The following AKR1B15 variants were observed in gnomAD, a reference collection of about 807,000 sequenced individuals.
The protein encoded by AKR1B15 is estradiol 17-beta-dehydrogenase AKR1B15.
A neutral mutation model predicts 38.5 loss-of-function variants in AKR1B15; 49 were observed. That is an observed-to-expected ratio of 1.27 (90% CI 1.01 to 1.62). The LOEUF (loss-of-function observed/expected upper bound fraction) is 1.62. Among genes scored for constraint, AKR1B15 ranks in the 40% most tolerant of loss-of-function variants. The probability of loss-of-function intolerance (pLI) is 0.00; values close to 1 mark genes in which losing one functional copy is unlikely to be tolerated. For missense variants in AKR1B15, 411 were observed against 381.6 expected, an observed-to-expected ratio of 1.08 and a Z score of -0.64; for synonymous variants, 137 against 135.5, an observed-to-expected ratio of 1.01 and a Z score of -0.08.
chr7:134,576,291 G>C, intron 8 of AKR1B15, 58 bp from the exon 9 acceptor site: 1 of 1,551,936 alleles, frequency 6.4e-7, no homozygotes, highest in Non-Finnish European at 8.9e-7. Context: ...TTGGAGTGGT[G>C]TCCTTCTGTA....
Position 134,577,741 on chromosome 7 carries a change from C to T in AKR1B15, c.947C>T (p.Thr316Ile). Reference protein sequence around the residue: ...DFKLSDEEMATILSFNRNWRA... With the variant: ...DFKLSDEEMAIILSFNRNWRA... ...AAATTGAGTGATGAGGAGATGGCAA[C>T]CATACTCAGCTTCAACAGAAACTGG... The change falls in exon 11 of 12, where the codon ACC (threonine) becomes ATC (isoleucine). Residue 316 changes from threonine (T) to isoleucine (I), a missense_variant. Coordinates refer to ENST00000457545, the MANE Select transcript of AKR1B15 (RefSeq NM_001080538.3). 1 of 1,613,944 alleles carries T rather than the reference C, an allele frequency of 6.2e-7. No individual in the cohort carries two copies.
At chr7:134,575,243 G>T (rs1286135227) in intron 6 of AKR1B15, among the ~76,000 whole-genome samples, 177 bp from the exon 7 acceptor site, 1 of 152,112 alleles carries the variant, frequency 6.6e-6, no homozygotes, top group Non-Finnish European at 1.5e-5. Flanking sequence ...GGGGCAGTAG[G>T]GCTGGAACCA....
chr7:134,569,355 G>A (rs1794615359), intron 4 of AKR1B15, 58 bp from the exon 5 acceptor site: 3 of 1,590,534 alleles, frequency 1.9e-6, no homozygotes, highest in African/African-American at 1.3e-5. Flanking sequence ...GGGACAATGA[G>A]TATAATGTGG....
At chr7:134,575,238 A>G (rs1280131206) in intron 6 of AKR1B15, among the ~76,000 whole-genome samples, 182 bp from the exon 7 acceptor site, 1 of 152,186 alleles carries the variant, frequency 6.6e-6, no homozygotes, top group Non-Finnish European at 1.5e-5. Context: ...GGGGAGGGGC[A>G]GTAGGGCTGG....
intron 11 of AKR1B15, among the ~76,000 whole-genome samples, chr7:134,578,903 C>T (rs1364996920): frequency 6.6e-6 from 1 of 152,208 alleles, no homozygotes; most frequent in African/African-American, 2.4e-5. Context: ...AAAACACTTA[C>T]TTTCCTATGA....
At chr7:134,573,287 TCC>T (rs1794701660) in intron 6 of AKR1B15, 2 of 845,440 alleles carry the variant, frequency 2.4e-6, no homozygotes, top group Non-Finnish European at 1.4e-6. Context: ...CGTCTCAGCC[TCC>T]CAAAGTGTTC....
chr7:134,553,644 A>G (rs1046232503), intron 1 of AKR1B15, among the ~76,000 whole-genome samples: 1 of 152,254 alleles, frequency 6.6e-6, no homozygotes, highest in Non-Finnish European at 1.5e-5. Context: ...GAATGCTCGC[A>G]TCTTGCGGTA....
chr7:134,575,822 T>G lies in AKR1B15; in HGVS notation c.638T>G (p.Val213Gly). The G allele has an allele frequency of 6.2e-7, 1 of 1,613,712 alleles. No individual in the cohort carries two copies. The highest frequency in any genetic ancestry group is 8.5e-7 in the Non-Finnish European group (1 of 1,179,780). Reference protein sequence around the residue: ...GLKYKPVTNQVECHPYLTQEK... With the variant: ...GLKYKPVTNQGECHPYLTQEK... ...GATGAGGATTGTTTGCTGTTGCAGG[T>G]TGAGTGTCACCCATACCTCACGCAG... The change falls in exon 8 of 12, where the codon GTT (valine) becomes GGT (glycine). Residue 213 changes from valine to glycine, a missense_variant and splice_region_variant. Physicochemically the swap from Val to Gly is moderately radical, Grantham distance 109 (BLOSUM62 -3). Coordinates refer to ENST00000457545, the MANE Select transcript of AKR1B15 (RefSeq NM_001080538.3).
Position 134,579,177 on chromosome 7 carries a change from T to C in AKR1B15, c.993-330T>C, listed in dbSNP as rs146758617. ...TTAATACTCATAACAATCCCCAAGCTGTCAATTCTGCTGTTGTTTCCTACC... is the reference window on the plus strand; with the variant it reads ...TTAATACTCATAACAATCCCCAAGCCGTCAATTCTGCTGTTGTTTCCTACC... On this transcript the variant is annotated intron_variant, in intron 11 of 11. Coordinates refer to ENST00000457545, the MANE Select transcript of AKR1B15 (RefSeq NM_001080538.3). Among the ~76,000 whole-genome samples, 3 of 152,332 alleles carry C rather than the reference T, an allele frequency of 2.0e-5. No individual in the cohort carries two copies. The East Asian group carries it at 5.8e-4, about 29-fold the overall frequency.
chr7:134,562,291 A>C (rs1794417838), intron 2 of AKR1B15, among the ~76,000 whole-genome samples: 1 of 152,192 alleles, frequency 6.6e-6, no homozygotes, highest in African/African-American at 2.4e-5. Flanking sequence ...GCGGAAGAAC[A>C]ATGCTTCCAC....
At chr7:134,553,797 C>T (rs1794085656) in intron 1 of AKR1B15, among the ~76,000 whole-genome samples, 1 of 152,196 alleles carries the variant, frequency 6.6e-6, no homozygotes, top group Non-Finnish European at 1.5e-5. Context: ...AACTGGCTGA[C>T]CTCATCTCCA....
intron 4 of AKR1B15, among the ~76,000 whole-genome samples, 175 bp from the exon 5 acceptor site, chr7:134,569,238 A>T (rs1431427266): frequency 6.6e-6 from 1 of 152,218 alleles, no homozygotes; most frequent in East Asian, 1.9e-4. Flanking sequence ...AAGACATGTC[A>T]TTGAGGTGCT....
chr7:134,559,641 G>T (rs1224067673), intron 2 of AKR1B15, among the ~76,000 whole-genome samples: 1 of 152,134 alleles, frequency 6.6e-6, no homozygotes, highest in Non-Finnish European at 1.5e-5. Context: ...TAATTTTTCT[G>T]TCAATTTTGT....
At chr7:134,571,044 G>A (rs111271166) in intron 5 of AKR1B15, among the ~76,000 whole-genome samples, 2,608 of 152,278 alleles carry the variant, frequency 0.017, 76 homozygotes, top group African/African-American at 0.06. Flanking sequence ...GTCCAAGTAT[G>A]GTGATGCTGG....
At chr7:134,551,363 A>G (rs954919437) in intron 1 of AKR1B15, among the ~76,000 whole-genome samples, 1 of 152,068 alleles carries the variant, frequency 6.6e-6, no homozygotes, top group African/African-American at 2.4e-5. Context: ...TCTGACCTGT[A>G]CAACTGGAAG....
intron 6 of AKR1B15, chr7:134,573,522 G>A: frequency 3.0e-6 from 3 of 985,378 alleles, no homozygotes; most frequent in South Asian, 4.7e-5. Flanking sequence ...GATTTGAAAC[G>A]AGCATGCTTG....
At chr7:134,577,375 C>T (rs1384934473) in intron 10 of AKR1B15, among the ~76,000 whole-genome samples, 3 of 152,276 alleles carry the variant, frequency 2.0e-5, no homozygotes, top group Admixed American at 6.5e-5. Context: ...ACCTGCTCAC[C>T]TCCCAGCAGC....
At chr7:134,562,811 CCTTT>C (rs1794433480) in intron 2 of AKR1B15, among the ~76,000 whole-genome samples, 1 of 150,382 alleles carries the variant, frequency 6.6e-6, no homozygotes, top group Admixed American at 6.6e-5. Flanking sequence ...TTCCTTCCTT[CCTTT>C]CTTCCTTCCT....
At chr7:134,564,804 A>G (rs921246689) in intron 3 of AKR1B15, 35 bp downstream of exon 3, 8 of 624,514 alleles carry the variant, frequency 1.3e-5, no homozygotes, top group Non-Finnish European at 1.7e-5. Context: ...CCAATTCCCA[A>G]CAGCAGTTGT....
Sources: allele counts gnomAD v4.1 joint callset (sites outside exome capture counted in the v4.1 genomes callset), GRCh38; gene constraint gnomAD v4.1.1; transcripts MANE v1.5; gene names NCBI Gene and HGNC (gene_info 2026-07-23, HGNC 2026-07-21).